The following LRP1B variants were observed in gnomAD, a reference collection of about 807,000 sequenced individuals.
LRP1B encodes the protein low-density lipoprotein receptor-related protein 1B.
LRP1B carries 217 observed loss-of-function variants against 556.6 expected under a neutral mutation model. That is an observed-to-expected ratio of 0.39 (90% confidence interval 0.35 to 0.44). The LOEUF (loss-of-function observed/expected upper bound fraction) is 0.44, where lower values mean the gene tolerates loss of function less well. Ranked by LOEUF, LRP1B falls within the 20% of genes least tolerant of loss-of-function variation. The pLI is 1.00. For synonymous variants in LRP1B, 2,047 were observed against 1,865.8 expected (o/e 1.10, Z -2.50); for missense variants, 5,053 against 5,620.8 (o/e 0.90, Z 3.23).
intron 86 of LRP1B, among the ~76,000 whole-genome samples, chr2:140,257,600 G>C (rs1681753457): frequency 6.6e-6 from 1 of 152,186 alleles, no homozygotes; most frequent in South Asian, 2.1e-4. Context: ...CTGGCATGGT[G>C]AAAGCTAAAG....
At chr2:141,343,728 T>A (rs989135845) in intron 3 of LRP1B, among the ~76,000 whole-genome samples, 1 of 152,206 alleles carries the variant, frequency 6.6e-6, no homozygotes, top group Admixed American at 6.5e-5. Context: ...TTGAGCTCTG[T>A]AAATTTTCCC....
chr2:141,081,097 T>C (rs1699910777), intron 7 of LRP1B, among the ~76,000 whole-genome samples: 1 of 152,204 alleles, frequency 6.6e-6, no homozygotes, highest in Admixed American at 6.6e-5. Flanking sequence ...CCTCCCAAAA[T>C]GCTGGGACTA....
intron 1 of LRP1B, among the ~76,000 whole-genome samples, chr2:142,052,902 A>G (rs1188082939): frequency 4.6e-5 from 7 of 152,170 alleles, no homozygotes; most frequent in African/African-American, 1.4e-4. Flanking sequence ...TTATAAACAC[A>G]TAAGTAATTA....
In LRP1B at chr2:141,114,878, CA is replaced by C. The variant is rs371033826; in HGVS notation, c.1014-52606del. Among the ~76,000 whole-genome samples the C allele has an allele frequency of 6.2e-3, 936 of 149,868 alleles. 12 individuals carry two copies. Among genetic ancestry groups the C allele is most frequent in the African/African-American group, 0.021 (871 of 40,836 alleles). On this transcript the variant is annotated intron_variant, in intron 7 of 90. Coordinates refer to ENST00000389484, the MANE Select transcript of LRP1B (RefSeq NM_018557.3). ...TGTCATGAAAACAGGCATACTAATGCAAAAAAAAAAATTTATTTTTAAATCA... is the reference window on the plus strand; with the variant it reads ...TGTCATGAAAACAGGCATACTAATGCAAAAAAAAAATTTATTTTTAAATCA...
chr2:141,098,711 G>A (rs1456495292), intron 7 of LRP1B, among the ~76,000 whole-genome samples: 1 of 152,204 alleles, frequency 6.6e-6, no homozygotes, highest in East Asian at 1.9e-4. Flanking sequence ...AGGCTGGGGT[G>A]CGATGGCACG....
At position 141,533,526 on chromosome 2, in the gene LRP1B, A is replaced by T. The variant is rs552387148; in HGVS notation, c.206-52993T>A. Among the ~76,000 whole-genome samples the T allele has an allele frequency of 1.1e-4, 17 of 152,332 alleles. No homozygotes were observed. In the South Asian group the frequency reaches 3.1e-3, roughly 28 times the overall value. On this transcript the variant is annotated intron_variant, in intron 2 of 90. Coordinates refer to ENST00000389484, the MANE Select transcript of LRP1B (RefSeq NM_018557.3). ...CCAATTACGGATAAATGCTATTTAC[A>T]AGTTTCCTAAACTGAATCAACTGAG...
At chr2:141,694,758 A>G (rs1411389314) in intron 2 of LRP1B, among the ~76,000 whole-genome samples, 1 of 152,030 alleles carries the variant, frequency 6.6e-6, no homozygotes, top group African/African-American at 2.4e-5. Flanking sequence ...TTAACAGGAA[A>G]GGAGCTACCA....
chr2:140,574,437 A>G (rs1489024263), intron 43 of LRP1B, among the ~76,000 whole-genome samples: 1 of 152,172 alleles, frequency 6.6e-6, no homozygotes, highest in African/African-American at 2.4e-5. Flanking sequence ...ACATCTGCAC[A>G]AAGTTCTATT....
chr2:141,775,098 T>C (rs1695020086), intron 2 of LRP1B, among the ~76,000 whole-genome samples: 1 of 152,254 alleles, frequency 6.6e-6, no homozygotes, highest in South Asian at 2.1e-4. Context: ...CATGTAGGAG[T>C]CCTTCCCCAT....
chr2:142,095,119 G>A (rs1407515016), intron 1 of LRP1B, among the ~76,000 whole-genome samples: 3 of 145,744 alleles, frequency 2.1e-5, no homozygotes, highest in South Asian at 2.1e-4. Context: ...AAATAGGTGC[G>A]ATATGCACAT....
intron 3 of LRP1B, among the ~76,000 whole-genome samples, chr2:141,320,647 A>T (rs556074748): frequency 3.3e-5 from 5 of 152,220 alleles, no homozygotes; most frequent in African/African-American, 1.2e-4. Flanking sequence ...CAGTTTGTTA[A>T]GATATTTTAC....
intron 87 of LRP1B, among the ~76,000 whole-genome samples, chr2:140,244,245 G>GT (rs1463346643): frequency 4.0e-5 from 6 of 151,182 alleles, no homozygotes; most frequent in East Asian, 2.0e-4. Context: ...AATATAACCA[G>GT]TTTTTTTCTG....
At chr2:140,426,130 G>A (rs1685641216) in intron 66 of LRP1B, among the ~76,000 whole-genome samples, 1 of 152,160 alleles carries the variant, frequency 6.6e-6, no homozygotes, top group African/African-American at 2.4e-5. Flanking sequence ...TGCTTCCTCT[G>A]CCAAGAACAG....
Position 141,093,948 on chromosome 2 carries a change from C to A in LRP1B, c.1014-31675G>T, listed in dbSNP as rs186594002. 2.1e-3 allele frequency among the ~76,000 whole-genome samples: 323 copies of A among 152,210 alleles called. 1 individual carries two copies. Among genetic ancestry groups the A allele is most frequent in the Non-Finnish European group, 3.5e-3 (239 of 68,004 alleles). ...GCCAGGCTGGTTTCCAATGCCTGACCTCAAGTGATCCGCCCGCCTTAGCCT... is the reference window on the plus strand; with the variant it reads ...GCCAGGCTGGTTTCCAATGCCTGACATCAAGTGATCCGCCCGCCTTAGCCT... On this transcript the variant is annotated intron_variant, in intron 7 of 90. Coordinates refer to ENST00000389484, the MANE Select transcript of LRP1B (RefSeq NM_018557.3).
rs549622049 is a variant in LRP1B at position 141,130,966 on chromosome 2, T to C, written c.1013+57455A>G. Among the ~76,000 whole-genome samples the C allele has an allele frequency of 4.0e-5, 6 of 151,246 alleles. No homozygotes were observed. In the East Asian group the frequency reaches 9.7e-4, roughly 24 times the overall value. On this transcript the variant is annotated intron_variant, in intron 7 of 90. Transcript: ENST00000389484. ...ACATGTTCTCATTCATAAGTGGGAG[T>C]TGAATAATGAGAACACATGGACACA...
intron 2 of LRP1B, among the ~76,000 whole-genome samples, chr2:141,766,795 G>T (rs188185021): frequency 3.3e-5 from 5 of 151,968 alleles, no homozygotes; most frequent in African/African-American, 4.8e-5. Flanking sequence ...GTCATTATCC[G>T]TCTCTTCTAC....
intron 2 of LRP1B, among the ~76,000 whole-genome samples, chr2:141,598,569 C>T (rs1687606213): frequency 6.6e-6 from 1 of 151,954 alleles, no homozygotes. Context: ...GTACGTCTTC[C>T]ATCTAATCTT....
In LRP1B at chr2:140,456,602, G is replaced by T; in HGVS notation, c.9816C>A (p.Val3272=). 6.2e-7 allele frequency: 1 copy of T among 1,606,242 alleles called. No individual in the cohort carries two copies. Among genetic ancestry groups the T allele is most frequent in the East Asian group, 2.2e-5 (1 of 44,720 alleles). The change falls in exon 62 of 91, where the codon GTC becomes GTA. Residue 3272 remains valine, a splice_region_variant and synonymous_variant. Transcript: ENST00000389484. Reference sequence around the variant, plus strand: ...TATTTATCATGCAGAGATGTTTGGAGACTAAAGATAAGAAAGAAACAACAA... The same window carrying T: ...TATTTATCATGCAGAGATGTTTGGATACTAAAGATAAGAAAGAAACAACAA... ...QVYHSYRQPD[V]SKHLCMINNG...
chr2:141,288,064 A>G (rs1056709566), intron 3 of LRP1B, among the ~76,000 whole-genome samples: 3 of 152,144 alleles, frequency 2.0e-5, no homozygotes, highest in Non-Finnish European at 4.4e-5. Context: ...CAATATACAT[A>G]CTATCTACTA....
Sources: gnomAD v4.1 joint callset for allele counts (sites outside exome capture counted in the v4.1 genomes callset) on GRCh38, gnomAD v4.1.1 for gene constraint, MANE v1.5 for transcripts, NCBI Gene and HGNC (gene_info 2026-07-23, HGNC 2026-07-21) for gene names.